ZAN: variants seen among roughly 807,000 people sequenced by gnomAD.
The protein encoded by ZAN is zonadhesin.
Under a neutral mutation model 286.2 loss-of-function variants are expected in ZAN, and 260 were observed. The ratio of observed to expected loss-of-function variants is 0.91; its 90% CI spans 0.82 to 1.01. The LOEUF is 1.01. Among genes scored for constraint, ZAN ranks in the 50% least tolerant of loss-of-function variants. The pLI is 0.00. For missense variants in ZAN, 3,410 were observed against 3,639.2 expected (o/e 0.94, Z 1.62); for synonymous variants, 1,368 against 1,417.5 (o/e 0.97, Z 0.79).
In ZAN at chr7:100,751,993, A is replaced by ACAGAAAAACCCACCATTCCCT. The variant is rs371091501; in HGVS notation, c.1927_1947dup (p.Pro643_Ile649dup). On this transcript the variant is annotated inframe_insertion, in exon 14 of 48. Transcript: ENST00000613979. ...TCCCTCAGAAAAACCCACCATCCTC[A>ACAGAAAAACCCACCATTCCCT]CAGAAAAACCCACCATTCCCTCAGA... is the stretch of plus-strand genomic sequence containing the variant. The ACAGAAAAACCCACCATTCCCT allele has an allele frequency of 9.3e-6, 15 of 1,611,968 alleles. No individual in the cohort carries two copies. The African/African-American group carries it at 1.2e-4, about 13-fold the overall frequency.
At chr7:100,797,184 G>A (rs1010618537) in intron 45 of ZAN, among the ~76,000 whole-genome samples, 182 bp from the exon 46 acceptor site, 2 of 152,046 alleles carry the variant, frequency 1.3e-5, no homozygotes, top group African/African-American at 4.8e-5. Context: ...GTTGGGGAGG[G>A]GGCACTAAGA....
intron 34 of ZAN, among the ~76,000 whole-genome samples, chr7:100,777,192 C>G (rs1241120222): frequency 6.6e-6 from 1 of 151,194 alleles, no homozygotes; most frequent in Non-Finnish European, 1.5e-5. Flanking sequence ...TACAGGCACC[C>G]GCCACCACGC....
rs371372562 is a variant in ZAN, at chr7:100,767,980, C to T, written c.5010C>T (p.Ser1670=). 4 of 1,613,606 alleles carry T rather than the reference C, an allele frequency of 2.5e-6. No individual in the cohort carries two copies. In the African/African-American group the frequency reaches 4.0e-5, roughly 16 times the overall value. The part of the protein sequence containing the change: ...GSHLVEVTVP[S]SYGGQLCGLC... ...ACTTGGTGGAAGTGACAGTCCCCTC[C>T]TCCTATGGCGGCCAGCTCTGTGGGC... Residue 1670 remains serine, a synonymous_variant, in exon 26 of 48, where the codon TCC becomes TCT. Coordinates refer to ENST00000613979, the MANE Select transcript of ZAN (RefSeq NM_003386.3).
chr7:100,738,404 AC>A lies in ZAN; in HGVS notation c.614-54del. On this transcript the variant is annotated intron_variant, in intron 6 of 47. Transcript: ENST00000613979. ...CTGTACTCTAGCCTGGGTGACAGAGACCCTGTCTCTAAAAAAGAAGAAAACA... is the reference window on the plus strand; with the variant it reads ...CTGTACTCTAGCCTGGGTGACAGAGACCTGTCTCTAAAAAAGAAGAAAACA... The A allele has an allele frequency of 5.1e-6, 7 of 1,385,246 alleles. 1 individual carries two copies. The highest frequency in any genetic ancestry group is 5.9e-6 in the Non-Finnish European group (6 of 1,010,206). 85.8% of individuals were successfully genotyped at this position (1,385,246 alleles called of 1,614,324 possible).
intron 7 of ZAN, 75 bp from the exon 8 acceptor site, chr7:100,746,463 T>C (rs1808224769): frequency 6.5e-7 from 1 of 1,544,530 alleles, no homozygotes; most frequent in African/African-American, 1.4e-5. Context: ...GTCCACAGCC[T>C]CCTCAGGGCC....
chr7:100,746,397 A>G, intron 7 of ZAN, 141 bp from the exon 8 acceptor site: 1 of 1,084,994 alleles, frequency 9.2e-7, no homozygotes, highest in Non-Finnish European at 1.3e-6. Flanking sequence ...CAGTTGGGAT[A>G]GGACCACCTC....
intron 6 of ZAN, among the ~76,000 whole-genome samples, chr7:100,737,990 CTT>C (rs1807434073): frequency 7.2e-6 from 1 of 139,770 alleles, no homozygotes; most frequent in Non-Finnish European, 1.6e-5. Flanking sequence ...GAATTTCACT[CTT>C]GTCACCCAGG....
chr7:100,736,102 A>T (rs1285022356), intron 3 of ZAN, among the ~76,000 whole-genome samples: 1 of 141,960 alleles, frequency 7.0e-6, no homozygotes, highest in Admixed American at 7.0e-5. Context: ...GGATGGCTTG[A>T]GGCCAGGAGT....
In ZAN at chr7:100,736,543, T is replaced by C; in HGVS notation, c.167T>C (p.Val56Ala). Residue 56 changes from valine (V) to alanine (A), a missense_variant, in exon 4 of 48, where the codon GTG becomes GCG. Val to Ala is a moderately conservative substitution (Grantham distance 64). Coordinates refer to ENST00000613979, the MANE Select transcript of ZAN (RefSeq NM_003386.3). The part of the protein sequence containing the change: ...DAKPLCDWSQ[V>A]SADDEDWVRA... Reference sequence around the variant, plus strand: ...AAACCCCTCTGTGACTGGTCCCAAGTGTCCGCAGACGATGAAGACTGGGTT... The same window carrying C: ...AAACCCCTCTGTGACTGGTCCCAAGCGTCCGCAGACGATGAAGACTGGGTT... The C allele has an allele frequency of 6.6e-7, 1 of 1,523,758 alleles. No individual in the cohort carries two copies. The highest frequency in any genetic ancestry group is 1.1e-5 in the South Asian group (1 of 88,854). 94.4% of individuals were successfully genotyped at this position (1,523,758 alleles called of 1,614,324 possible).
At chr7:100,778,655 G>C (rs1367172860) in intron 34 of ZAN, among the ~76,000 whole-genome samples, 1 of 152,050 alleles carries the variant, frequency 6.6e-6, no homozygotes, top group Admixed American at 6.6e-5. Flanking sequence ...CCAGAGCTCA[G>C]ACCAGCTTCC....
At chr7:100,754,658 C>T (rs1024972492) in intron 14 of ZAN, among the ~76,000 whole-genome samples, 4 of 151,592 alleles carry the variant, frequency 2.6e-5, no homozygotes, top group African/African-American at 9.7e-5. Context: ...CCTGCACCAC[C>T]ACGACTGGCT....
In ZAN at chr7:100,773,424, C is replaced by G. The variant is rs759443995; in HGVS notation, c.5565C>G (p.Ile1855Met). 1 of 1,614,034 alleles carries G rather than the reference C, an allele frequency of 6.2e-7. No individual in the cohort carries two copies. The change falls in exon 30 of 48, where the codon ATC becomes ATG. Residue 1855 changes from isoleucine to methionine, a missense_variant. This residue lies in a region of ZAN where 1,289 missense variants were observed against 1,314.3 expected (regional missense o/e 0.98). Coordinates refer to ENST00000613979, the MANE Select transcript of ZAN (RefSeq NM_003386.3). Reference sequence around the variant, plus strand: ...GCTGTGAATGTCAGAAAGGCCACATCTTGAGTGGAACCTCCTGCGTGCCCC... The same window carrying G: ...GCTGTGAATGTCAGAAAGGCCACATGTTGAGTGGAACCTCCTGCGTGCCCC... Reference protein sequence around the residue: ...AESCECQKGHILSGTSCVPLG... With the variant: ...AESCECQKGHMLSGTSCVPLG...
intron 7 of ZAN, among the ~76,000 whole-genome samples, chr7:100,745,583 G>C (rs1251916240): frequency 6.8e-6 from 1 of 146,300 alleles, no homozygotes; most frequent in Non-Finnish European, 1.5e-5. Context: ...TATGTCCAGC[G>C]GGTAAAGAAA....
chr7:100,746,167 T>A (rs59192405), intron 7 of ZAN, among the ~76,000 whole-genome samples: 1,640 of 152,158 alleles, frequency 0.011, 33 homozygotes, highest in African/African-American at 0.036. Context: ...AGGTTGAGTC[T>A]GCAGTGAACC....
intron 20 of ZAN, among the ~76,000 whole-genome samples, chr7:100,762,655 C>T (rs1809679536): frequency 6.6e-6 from 1 of 151,490 alleles, no homozygotes; most frequent in Non-Finnish European, 1.5e-5. Context: ...AAACTCCTGG[C>T]CTCAAGTGAT....
intron 7 of ZAN, among the ~76,000 whole-genome samples, chr7:100,742,749 G>A (rs1169334134): frequency 3.3e-5 from 2 of 60,734 alleles, no homozygotes; most frequent in East Asian, 7.6e-4. Flanking sequence ...GCAGGCACTC[G>A]GCAGGCTGAG....
chr7:100,770,503 CAAAAAAAAA>C (rs71126334), intron 28 of ZAN, among the ~76,000 whole-genome samples: 1 of 93,698 alleles, frequency 1.1e-5, no homozygotes, highest in African/African-American at 4.3e-5. Flanking sequence ...GACTCTGTCT[CAAAAAAAAA>C]AAAAAAAAAG....
Position 100,752,762 on chromosome 7 carries a change from C to T in ZAN, c.2657C>T (p.Thr886Ile). The T allele has an allele frequency of 1.9e-6, 3 of 1,542,480 alleles. No individual in the cohort carries two copies. The highest frequency in any genetic ancestry group is 1.2e-5 in the South Asian group (1 of 84,786). Residue 886 changes from threonine (T) to isoleucine (I), a missense_variant, in exon 14 of 48, where the codon ACC becomes ATC. Around this residue, in one of 7 missense-constraint regions of ZAN, gnomAD observed 51 missense variants for 105.2 expected, o/e 0.48. Coordinates refer to ENST00000613979, the MANE Select transcript of ZAN (RefSeq NM_003386.3). ...EKLTIPTEKP[T>I]IPIEETTIST... is the part of the protein sequence containing the mutation. ...CTCACCATCCCCACGGAAAAACCCA[C>T]CATCCCCATTGAAGAGACTACCATC...
At chr7:100,769,185 C>T (rs1810210244) in intron 27 of ZAN, among the ~76,000 whole-genome samples, 1 of 152,084 alleles carries the variant, frequency 6.6e-6, no homozygotes, top group Non-Finnish European at 1.5e-5. Context: ...CTTCCGCCTC[C>T]CAGGTTCAAG....
Sources: gnomAD v4.1 joint callset for allele counts (sites outside exome capture counted in the v4.1 genomes callset) on GRCh38, gnomAD v4.1.1 for gene constraint, gnomAD v4.1.1 regional missense constraint, MANE v1.5 for transcripts, NCBI Gene and HGNC (gene_info 2026-07-23, HGNC 2026-07-21) for gene names.